Variants in PRKAA2 observed in about 807,000 individuals in gnomAD.
PRKAA2 encodes the protein protein kinase AMP-activated catalytic subunit alpha 2.
In PRKAA2, 40 loss-of-function variants were observed where a neutral mutation model predicts 56.3. The observed-to-expected ratio is 0.71, with a 90% CI of 0.55 to 0.92. The LOEUF (loss-of-function observed/expected upper bound fraction) is 0.92. Among genes scored for constraint, PRKAA2 ranks in the 40% least tolerant of loss-of-function variants. The pLI, the probability that PRKAA2 is intolerant of heterozygous loss-of-function variation, is 0.00. For synonymous variants in PRKAA2, 214 were observed against 234.2 expected, an observed-to-expected ratio of 0.91 and a Z score of 0.79; for missense variants, 542 against 686.9, an observed-to-expected ratio of 0.79 and a Z score of 2.36.
At chr1:56,680,381 TA>T (rs1479398406) in intron 2 of PRKAA2, among the ~76,000 whole-genome samples, 1 of 152,148 alleles carries the variant, frequency 6.6e-6, no homozygotes, top group African/African-American at 2.4e-5. Flanking sequence ...TATTATACTT[TA>T]AGTTCTAGGG....
chr1:56,689,213 C>T (rs922524207), intron 2 of PRKAA2, among the ~76,000 whole-genome samples: 3 of 152,166 alleles, frequency 2.0e-5, no homozygotes, highest in Non-Finnish European at 4.4e-5. Context: ...ACAGCAGATG[C>T]ACCTGCCCTA....
chr1:56,658,219 A>C (rs1557543776), intron 1 of PRKAA2, among the ~76,000 whole-genome samples: 1 of 152,222 alleles, frequency 6.6e-6, no homozygotes, highest in Non-Finnish European at 1.5e-5. Flanking sequence ...AGATCATTCC[A>C]CAACTCTACT....
At position 56,714,211 on chromosome 1, in the gene PRKAA2, A is replaced by G. The variant is rs894527356; in HGVS notation, c.*6498A>G. 1.3e-5 allele frequency: 2 copies of G among 152,178 alleles called. No individual in the cohort carries two copies. Among genetic ancestry groups the G allele is most frequent in the Non-Finnish European group, 2.9e-5 (2 of 68,014 alleles). The allele number at this position is 152,178 out of a possible 1,614,324, so 9.4% of individuals were successfully genotyped here. On this transcript the variant is annotated 3_prime_UTR_variant, in exon 9 of 9. Coordinates refer to ENST00000371244, the MANE Select transcript of PRKAA2 (RefSeq NM_006252.4). Reference sequence around the variant, plus strand: ...ACCCTTTAAAAAGTTTGTCAAGGAAACAACTCAGAGCTAAGAACAAAATCT... The same window carrying G: ...ACCCTTTAAAAAGTTTGTCAAGGAAGCAACTCAGAGCTAAGAACAAAATCT...
chr1:56,703,924 C>T, intron 6 of PRKAA2, 47 bp from the exon 7 acceptor site: 1 of 1,526,892 alleles, frequency 6.5e-7, no homozygotes, highest in Non-Finnish European at 8.8e-7. Context: ...ATTATTTGGA[C>T]TTGCCAAACC....
At chr1:56,646,460 A>C (rs1187583271) in intron 1 of PRKAA2, among the ~76,000 whole-genome samples, 1 of 152,214 alleles carries the variant, frequency 6.6e-6, no homozygotes, top group African/African-American at 2.4e-5. Flanking sequence ...TGCTTTTGAA[A>C]TGTTATACTT....
At chr1:56,657,395 A>G (rs1250322797) in intron 1 of PRKAA2, among the ~76,000 whole-genome samples, 1 of 152,134 alleles carries the variant, frequency 6.6e-6, no homozygotes, top group African/African-American at 2.4e-5. Context: ...AAATAAAGGT[A>G]AGCTGGGCGT....
rs1307697852 is a variant in PRKAA2 at position 56,711,485 on chromosome 1, A to T, written c.*3772A>T. ...TTCACCGGGTACTAATTTACATCCTATTAATGGTTGTAAAAGCTGAGTGTC... is the reference window on the plus strand; with the variant it reads ...TTCACCGGGTACTAATTTACATCCTTTTAATGGTTGTAAAAGCTGAGTGTC... On this transcript the variant is annotated 3_prime_UTR_variant, in exon 9 of 9. Coordinates refer to ENST00000371244, the MANE Select transcript of PRKAA2 (RefSeq NM_006252.4). 6.6e-6 allele frequency: 1 copy of T among 152,158 alleles called. No homozygotes were observed. The highest frequency in any genetic ancestry group is 1.5e-5 in the Non-Finnish European group (1 of 68,008). 9.4% of individuals were successfully genotyped at this position (152,158 alleles called of 1,614,324 possible).
chr1:56,708,379 AAT>A lies in PRKAA2; in HGVS notation c.*668_*669del, dbSNP rs1644346700. The stretch of plus-strand genomic sequence containing the variant: ...GGATTTTTATCTTGAGATTTCCCTG[AAT>A]AATATATTTATCTTAAGAGCCTTCA... On this transcript the variant is annotated 3_prime_UTR_variant, in exon 9 of 9. Transcript: ENST00000371244. The A allele has an allele frequency of 6.6e-6, 1 of 152,196 alleles. No homozygotes were observed. Among genetic ancestry groups the A allele is most frequent in the Non-Finnish European group, 1.5e-5 (1 of 68,036 alleles). 9.4% of individuals were successfully genotyped at this position (152,196 alleles called of 1,614,324 possible).
In PRKAA2 at chr1:56,714,397, C is replaced by T. The variant is rs1393674798; in HGVS notation, c.*6684C>T. The stretch of plus-strand genomic sequence containing the variant: ...TTTAAATACAGGGTTTATATCCCCA[C>T]ATTCAATGTAAATTCCTTTTTTTAA... On this transcript the variant is annotated 3_prime_UTR_variant, in exon 9 of 9. Transcript: ENST00000371244. 1.3e-5 allele frequency: 2 copies of T among 152,084 alleles called. No homozygotes were observed. Among genetic ancestry groups the T allele is most frequent in the Non-Finnish European group, 2.9e-5 (2 of 68,012 alleles). 9.4% of individuals were successfully genotyped at this position (152,084 alleles called of 1,614,324 possible). A position where few individuals can be genotyped will look rare whatever the true frequency, so the allele number is the denominator to read the frequency against.
At position 56,707,565 on chromosome 1, in the gene PRKAA2, C is replaced by A. The variant is rs774757541; in HGVS notation, c.1511C>A (p.Ser504Tyr). ...CACAGACCAAGATCAAGTTTTGATT[C>A]CACAACTGCAGAGAGCCATTCACTT... ...GLHRPRSSFD[S>Y]TTAESHSLSG... The change falls in exon 9 of 9, where the codon TCC (serine) becomes TAC (tyrosine). Residue 504 changes from serine to tyrosine, a missense_variant. Coordinates refer to ENST00000371244, the MANE Select transcript of PRKAA2 (RefSeq NM_006252.4). The A allele has an allele frequency of 1.2e-6, 2 of 1,614,090 alleles. No individual in the cohort carries two copies. Among genetic ancestry groups the A allele is most frequent in the South Asian group, 2.2e-5 (2 of 91,070 alleles).
intron 2 of PRKAA2, among the ~76,000 whole-genome samples, chr1:56,678,823 G>A (rs1569753565): frequency 1.3e-5 from 2 of 151,930 alleles, no homozygotes; most frequent in South Asian, 4.2e-4. Flanking sequence ...AGCCTCCTGA[G>A]TAGCTGGGAC....
At chr1:56,687,635 A>G (rs374050039) in intron 2 of PRKAA2, among the ~76,000 whole-genome samples, 11 of 152,178 alleles carry the variant, frequency 7.2e-5, no homozygotes, top group Non-Finnish European at 7.4e-5. Context: ...ATAAAAGGTC[A>G]TTCATGGACT....
At chr1:56,662,543 A>G (rs916171930) in intron 1 of PRKAA2, among the ~76,000 whole-genome samples, 2 of 152,112 alleles carry the variant, frequency 1.3e-5, no homozygotes, top group African/African-American at 2.4e-5. Context: ...TTGGCCTCCC[A>G]AAGTGCTAGG....
chr1:56,705,697 G>A (rs1644327144), intron 7 of PRKAA2, among the ~76,000 whole-genome samples: 1 of 152,172 alleles, frequency 6.6e-6, no homozygotes, highest in South Asian at 2.1e-4. Context: ...ACTGTGCCTG[G>A]TCCTCTTTGT....
At chr1:56,686,367 C>A (rs1644191323) in intron 2 of PRKAA2, among the ~76,000 whole-genome samples, 1 of 152,148 alleles carries the variant, frequency 6.6e-6, no homozygotes. Context: ...AGCAGTTGCA[C>A]TCATCAGTGT....
intron 1 of PRKAA2, among the ~76,000 whole-genome samples, chr1:56,670,712 C>T (rs180954761): frequency 5.3e-5 from 8 of 152,250 alleles, no homozygotes; most frequent in African/African-American, 1.7e-4. Flanking sequence ...TTCATTAAAT[C>T]GTTGTTCAAC....
chr1:56,713,488 T>A lies in PRKAA2; in HGVS notation c.*5775T>A. 1 of 152,056 alleles carries A rather than the reference T, an allele frequency of 6.6e-6. No homozygotes were observed. Among genetic ancestry groups the A allele is most frequent in the East Asian group, 1.9e-4 (1 of 5,194 alleles). The allele number at this position is 152,056 out of a possible 1,614,324, so 9.4% of individuals were successfully genotyped here. ...CAGGGTAGGTAAATTTCAATTACGT[T>A]TGAAGTGTAATTAAATCCTAGAATA... On this transcript the variant is annotated 3_prime_UTR_variant, in exon 9 of 9. Coordinates refer to ENST00000371244, the MANE Select transcript of PRKAA2 (RefSeq NM_006252.4).
At position 56,692,317 on chromosome 1, in the gene PRKAA2, G is replaced by T; in HGVS notation, c.331-41G>T. 3.1e-6 allele frequency: 5 copies of T among 1,611,942 alleles called. No individual in the cohort carries two copies. The South Asian group carries it at 4.4e-5, about 14-fold the overall frequency. On this transcript the variant is annotated intron_variant, in intron 3 of 8. Coordinates refer to ENST00000371244, the MANE Select transcript of PRKAA2 (RefSeq NM_006252.4). ...TTACAGGCATGAGCCACTGTGCCCA[G>T]CCCCAGATATTCTTAATGCAGTTTC...
At chr1:56,690,957 T>TC (rs1644225336) in intron 2 of PRKAA2, among the ~76,000 whole-genome samples, 1 of 152,238 alleles carries the variant, frequency 6.6e-6, no homozygotes, top group African/African-American at 2.4e-5. Context: ...TGCTGTCAAT[T>TC]CCCCAAAACA....
Sources: allele counts gnomAD v4.1 joint callset (sites outside exome capture counted in the v4.1 genomes callset), GRCh38; gene constraint gnomAD v4.1.1; transcripts MANE v1.5; gene names NCBI Gene and HGNC (gene_info 2026-07-23, HGNC 2026-07-21).